Variants in DNM3 observed in about 807,000 individuals in gnomAD.
DNM3 encodes the protein dynamin 3, also known as dynamin-3.
In DNM3, 47 loss-of-function variants were observed where a neutral mutation model predicts 101.6. The observed-to-expected ratio is 0.46, with a 90% CI of 0.37 to 0.59. The LOEUF is 0.59. Among genes scored for constraint, DNM3 ranks in the 20% least tolerant of loss-of-function variants. The pLI is 0.00. For missense variants in DNM3, 849 were observed against 1,085.7 expected, an observed-to-expected ratio of 0.78 and a Z score of 3.06; for synonymous variants, 385 against 387.9, an observed-to-expected ratio of 0.99 and a Z score of 0.09.
Position 171,925,131 on chromosome 1 carries a change from C to T in DNM3, c.235+3310C>T, listed in dbSNP as rs755931167. Among the ~76,000 whole-genome samples the T allele has an allele frequency of 6.3e-4, 95 of 150,316 alleles. 2 individuals carry two copies. Among genetic ancestry groups the T allele is most frequent in the Non-Finnish European group, 1.2e-3 (83 of 67,704 alleles). On this transcript the variant is annotated intron_variant, in intron 2 of 20. Coordinates refer to ENST00000627582, the MANE Select transcript of DNM3 (RefSeq NM_015569.5). ...GGCCAGGCTGGTCTTGAACTCCTGA[C>T]CTCAGGTGATTCACCCACCTCGGTC...
intron 4 of DNM3, among the ~76,000 whole-genome samples, chr1:172,016,298 T>G (rs186300432): frequency 9.2e-5 from 14 of 152,332 alleles, no homozygotes; most frequent in African/African-American, 3.4e-4. Context: ...TTGCTGAGAT[T>G]TAAAAAATTA....
In DNM3 at chr1:172,410,296, A is replaced by C. The variant is rs2071133468; in HGVS notation, c.*2455A>C. On this transcript the variant is annotated 3_prime_UTR_variant, in exon 21 of 21. Transcript: ENST00000627582. Reference sequence around the variant, plus strand: ...GCATAGTTTGACGTGCAGCATGCACACCAGGCCTTAAGATGGGAATGTAGC... The same window carrying C: ...GCATAGTTTGACGTGCAGCATGCACCCCAGGCCTTAAGATGGGAATGTAGC... The C allele has an allele frequency of 1.0e-6, 1 of 985,372 alleles. No homozygotes were observed. Among genetic ancestry groups the C allele is most frequent in the Non-Finnish European group, 1.2e-6 (1 of 829,866 alleles). The allele number at this position is 985,372 out of a possible 1,614,324, so 61.0% of individuals were successfully genotyped here.
chr1:171,915,930 C>T (rs2039675199), intron 1 of DNM3, among the ~76,000 whole-genome samples: 2 of 152,318 alleles, frequency 1.3e-5, no homozygotes, highest in Admixed American at 1.3e-4. Context: ...CTTGTTTCCA[C>T]TCCATTCCTA....
intron 14 of DNM3, chr1:172,133,464 C>G: frequency 1.0e-6 from 1 of 978,072 alleles, no homozygotes; most frequent in Non-Finnish European, 1.2e-6. Context: ...TAGTTGGGGG[C>G]AGGTGAGAGT....
intron 14 of DNM3, among the ~76,000 whole-genome samples, chr1:172,147,682 C>T (rs564327551): frequency 8.9e-4 from 135 of 152,148 alleles, no homozygotes; most frequent in African/African-American, 3.0e-3. Flanking sequence ...TCCAGATATG[C>T]GTACTTCAGC....
chr1:172,103,690 G>A (rs2054812129), intron 13 of DNM3, among the ~76,000 whole-genome samples: 1 of 152,040 alleles, frequency 6.6e-6, no homozygotes, highest in East Asian at 1.9e-4. Flanking sequence ...TTGTTGTTGT[G>A]ATTTGCATTT....
chr1:172,133,218 A>T (rs2057036029), intron 14 of DNM3: 1 of 1,182,722 alleles, frequency 8.5e-7, no homozygotes, highest in Non-Finnish European at 1.0e-6. Flanking sequence ...AAGGTATAGG[A>T]TGCTCTCTGT....
At chr1:172,247,659 A>ACTTATTTATTTATTTC (rs55871147) in intron 14 of DNM3, among the ~76,000 whole-genome samples, 9 of 118,016 alleles carry the variant, frequency 7.6e-5, no homozygotes, top group Non-Finnish European at 1.5e-4. Context: ...ATTATTTCTT[A>ACTTATTTATTTATTTC]TTTATTTATT....
intron 13 of DNM3, among the ~76,000 whole-genome samples, chr1:172,121,284 A>C (rs2056302989): frequency 6.6e-6 from 1 of 152,236 alleles, no homozygotes; most frequent in African/African-American, 2.4e-5. Context: ...TTAGGTGAGT[A>C]AACTCTGAGA....
chr1:172,181,208 G>T (rs1296774874), intron 14 of DNM3, among the ~76,000 whole-genome samples: 1 of 152,002 alleles, frequency 6.6e-6, no homozygotes, highest in East Asian at 1.9e-4. Flanking sequence ...GTTCTTTTTG[G>T]CAAAGGTGAT....
At chr1:172,355,815 C>A (rs916788713) in intron 17 of DNM3, among the ~76,000 whole-genome samples, 11 of 152,006 alleles carry the variant, frequency 7.2e-5, no homozygotes, top group African/African-American at 2.7e-4. Flanking sequence ...AATCATCATT[C>A]TAGAGGAGAA....
chr1:171,983,283 C>T (rs372808338), intron 2 of DNM3, among the ~76,000 whole-genome samples: 1 of 151,882 alleles, frequency 6.6e-6, no homozygotes, highest in South Asian at 2.1e-4. Flanking sequence ...AGTGAGACCT[C>T]ATCACTACAA....
chr1:171,851,021 A>G (rs528373883), intron 1 of DNM3, among the ~76,000 whole-genome samples: 3 of 152,290 alleles, frequency 2.0e-5, no homozygotes, highest in Non-Finnish European at 2.9e-5. Context: ...TGGTCCCTGC[A>G]TATTTGTTCA....
intron 2 of DNM3, among the ~76,000 whole-genome samples, chr1:171,956,617 G>T (rs1408082021): frequency 6.6e-6 from 1 of 152,124 alleles, no homozygotes; most frequent in Non-Finnish European, 1.5e-5. Flanking sequence ...GGGGTCTGGT[G>T]GATGGTGACC....
intron 4 of DNM3, among the ~76,000 whole-genome samples, chr1:172,031,517 A>G (rs903580352): frequency 1.4e-5 from 2 of 144,104 alleles, no homozygotes; most frequent in Admixed American, 1.4e-4. Flanking sequence ...TCGTATACCT[A>G]TGTAACAGAT....
rs1033778069 is a variant in DNM3 at position 172,244,776 on chromosome 1, C to T, written c.1660-8797C>T. Among the ~76,000 whole-genome samples, 14 of 152,180 alleles carry T rather than the reference C, an allele frequency of 9.2e-5. No individual in the cohort carries two copies. The South Asian group carries it at 1.5e-3, about 16-fold the overall frequency. On this transcript the variant is annotated intron_variant, in intron 14 of 20. Transcript: ENST00000627582. ...TTGGTGGGACTGTAAACTAGTTCAG[C>T]CATTGTGGAAGTCAGTGTGGCGATT...
chr1:172,086,172 A>C (rs1457970444), intron 12 of DNM3, among the ~76,000 whole-genome samples: 6 of 152,198 alleles, frequency 3.9e-5, no homozygotes, highest in African/African-American at 1.4e-4. Context: ...CCTTAACATG[A>C]ATCTTAGGAG....
intron 2 of DNM3, among the ~76,000 whole-genome samples, chr1:171,955,597 C>T (rs1242914200): frequency 6.6e-6 from 1 of 152,128 alleles, no homozygotes; most frequent in African/African-American, 2.4e-5. Context: ...TTTCCATTCC[C>T]ATAACTATAA....
intron 14 of DNM3, among the ~76,000 whole-genome samples, chr1:172,156,106 G>A (rs1347173755): frequency 6.6e-6 from 1 of 152,058 alleles, no homozygotes; most frequent in African/African-American, 2.4e-5. Context: ...TTAATCTGTG[G>A]AAGCTTTCAG....
Sources: allele counts gnomAD v4.1 joint callset (sites outside exome capture counted in the v4.1 genomes callset), GRCh38; gene constraint gnomAD v4.1.1; transcripts MANE v1.5; gene names NCBI Gene and HGNC (gene_info 2026-07-23, HGNC 2026-07-21).